The following PRG3 variants were observed in gnomAD, a reference collection of about 807,000 sequenced individuals.
PRG3 encodes proteoglycan 3, pro eosinophil major basic protein 2.
A neutral mutation model predicts 26.1 loss-of-function variants in PRG3; 25 were observed. The ratio of observed to expected loss-of-function variants is 0.96; its 90% confidence interval spans 0.70 to 1.34. PRG3 has a LOEUF of 1.34. Ranked by LOEUF, PRG3 falls within the 40% of genes most tolerant of loss-of-function variation. The pLI is 0.00. For synonymous variants in PRG3, 111 were observed against 100.4 expected (o/e 1.11, Z -0.63); for missense variants, 280 against 264.8 (o/e 1.06, Z -0.40).
intron 3 of PRG3, 24 bp from the exon 4 acceptor site, chr11:57,378,836 A>C (rs551035590): frequency 4.3e-6 from 7 of 1,610,986 alleles, no homozygotes; most frequent in Middle Eastern, 1.7e-4. Context: ...CAAAGTAGAG[A>C]ATTCCCTCTC....
chr11:57,377,691 C>T (rs1017748086), intron 5 of PRG3, 34 bp downstream of exon 5: 2 of 1,549,488 alleles, frequency 1.3e-6, no homozygotes, highest in Non-Finnish European at 1.8e-6. Flanking sequence ...ACTTTACTAT[C>T]CCTTCTCCCT....
intron 4 of PRG3, 46 bp downstream of exon 4, chr11:57,378,635 C>T (rs1856966074): frequency 1.2e-6 from 2 of 1,603,422 alleles, no homozygotes; most frequent in South Asian, 2.2e-5. Context: ...TACTTTAACA[C>T]ATTCAGAAAG....
chr11:57,376,883 G>A lies in PRG3; in HGVS notation c.645C>T (p.Cys215=), dbSNP rs115707133. The A allele has an allele frequency of 5.6e-6, 9 of 1,612,284 alleles. No homozygotes were observed. The highest frequency in any genetic ancestry group is 1.3e-5 in the African/African-American group (1 of 74,914). The change falls in exon 6 of 6, where the codon TGC becomes TGT. Residue 215 remains cysteine (C), a synonymous_variant. Coordinates refer to ENST00000287143, the MANE Select transcript of PRG3 (RefSeq NM_006093.4). ...AGCAGACGAAGGGCAGTTGCTTGTCGCATTGAGCTCGTCGCCAATAACCTC... is the reference window on the plus strand; with the variant it reads ...AGCAGACGAAGGGCAGTTGCTTGTCACATTGAGCTCGTCGCCAATAACCTC... ...TKGGYWRRAQ[C]DKQLPFVCSF is the part of the protein sequence containing the mutation.
chr11:57,379,093 G>A (rs1856972976), intron 3 of PRG3, among the ~76,000 whole-genome samples: 1 of 152,196 alleles, frequency 6.6e-6, no homozygotes, highest in African/African-American at 2.4e-5. Flanking sequence ...ACTCTAAGAA[G>A]TTGGTGCTAT....
chr11:57,378,682 C>T lies in PRG3; in HGVS notation c.506G>A (p.Trp169Ter), dbSNP rs1590651329. ...CCCAAGATTTGGCCCCTGACTTACC[C>T]AGCCCCTGAGGTTGCCTCCAATCCA... ...QVWIGGNLRG[W>*]FLWKRFCWTD... is the part of the protein sequence containing the mutation. Residue 169 changes from tryptophan (W) to a stop codon, truncating the protein, a stop_gained and splice_region_variant, in exon 4 of 6, where the codon TGG becomes TAG. Transcript: ENST00000287143. LOFTEE classifies it high-confidence loss of function. 6.2e-7 allele frequency: 1 copy of T among 1,613,114 alleles called. No individual in the cohort carries two copies. The highest frequency in any genetic ancestry group is 8.5e-7 in the Non-Finnish European group (1 of 1,179,402).
In PRG3 at chr11:57,379,689, C is replaced by A; in HGVS notation, c.180G>T (p.Glu60Asp). Residue 60 changes from glutamate (E) to aspartate (D), a missense_variant, in exon 3 of 6, where the codon GAG (glutamate) becomes GAT (aspartate). Physicochemically the swap from Glu to Asp is conservative, Grantham distance 45 (BLOSUM62 2). Transcript: ENST00000287143. Reference protein sequence around the residue: ...LALTEEVIQAEGEEVKASACQ... With the variant: ...LALTEEVIQADGEEVKASACQ... The stretch of plus-strand genomic sequence containing the variant: ...AGGCAGAAGCCTTGACCTCCTCTCC[C>A]TCTGCCTGAATCACCTCCTCCGTCA... The A allele has an allele frequency of 6.2e-7, 1 of 1,614,000 alleles. No individual in the cohort carries two copies. The highest frequency in any genetic ancestry group is 8.5e-7 in the Non-Finnish European group (1 of 1,180,040).
chr11:57,376,958 G>C, intron 5 of PRG3, 50 bp from the exon 6 acceptor site: 1 of 1,600,686 alleles, frequency 6.2e-7, no homozygotes. Flanking sequence ...GGTCTGGCCT[G>C]GGCTTCACCT....
chr11:57,380,429 A>ACAACAAC (rs1554969508), intron 2 of PRG3, among the ~76,000 whole-genome samples: 11 of 150,890 alleles, frequency 7.3e-5, no homozygotes, highest in African/African-American at 2.4e-4. Flanking sequence ...ACAAAAAAAA[A>ACAACAAC]AACAAAAACA....
chr11:57,380,568 G>T, intron 2 of PRG3, 80 bp downstream of exon 2: 6 of 1,299,140 alleles, frequency 4.6e-6, no homozygotes, highest in South Asian at 1.5e-5. Flanking sequence ...CCTCATGAGT[G>T]CAAATAAAAG....
At chr11:57,380,416 C>CAAAAAAA (rs869309070) in intron 2 of PRG3, among the ~76,000 whole-genome samples, 1 of 10,594 alleles carries the variant, frequency 9.4e-5, no homozygotes, top group African/African-American at 1.4e-4. Context: ...AAACAAAAAA[C>CAAAAAAA]AAACAAAAAA....
Position 57,379,769 on chromosome 11 carries a change from C to A in PRG3, c.100G>T (p.Ala34Ser), listed in dbSNP as rs1212774704. ...APHLESLETQADLGQDLDSSK... is the reference protein window; with the variant it reads ...APHLESLETQSDLGQDLDSSK... ...CTATCCAGATCCTGGCCTAGGTCTG[C>A]CTGTGTCTCTAGGCTCTCCAGATGG... The change falls in exon 3 of 6, where the codon GCA becomes TCA. Residue 34 changes from alanine (A) to serine (S), a missense_variant. Coordinates refer to ENST00000287143, the MANE Select transcript of PRG3 (RefSeq NM_006093.4). 1 of 1,613,500 alleles carries A rather than the reference C, an allele frequency of 6.2e-7. No homozygotes were observed. The highest frequency in any genetic ancestry group is 8.5e-7 in the Non-Finnish European group (1 of 1,179,830).
chr11:57,377,737 G>A lies in PRG3; in HGVS notation c.607C>T (p.Leu203=). ...PGNGQGSCVA[L]CTKGGYWRRA... The stretch of plus-strand genomic sequence containing the variant: ...CCTTCCCCCTCACCTTTGGTGCATA[G>A]GGCCACACAGGAGCCTTGCCCATTC... The change falls in exon 5 of 6, where the codon CTA becomes TTA. Residue 203 remains leucine, a synonymous_variant. Transcript: ENST00000287143. The A allele has an allele frequency of 6.2e-7, 1 of 1,612,408 alleles. No individual in the cohort carries two copies. Among genetic ancestry groups the A allele is most frequent in the Non-Finnish European group, 8.5e-7 (1 of 1,179,504 alleles).
intron 3 of PRG3, 82 bp from the exon 4 acceptor site, chr11:57,378,894 T>C: frequency 6.4e-7 from 1 of 1,561,044 alleles, no homozygotes; most frequent in Non-Finnish European, 8.8e-7. Flanking sequence ...GGCATCCCTT[T>C]TCAGGTTAAA....
Position 57,378,884 on chromosome 11 carries a change from G to A in PRG3, c.376-72C>T, listed in dbSNP as rs539576539. The A allele has an allele frequency of 1.7e-5, 27 of 1,581,072 alleles. 1 individual carries two copies. Among genetic ancestry groups the A allele is most frequent in the South Asian group, 1.0e-4 (9 of 89,144 alleles). ...TTTCTGAGTCTCCAGGCAAGAGCCC[G>A]GCATCCCTTTTCAGGTTAAAAATAA... On this transcript the variant is annotated intron_variant, in intron 3 of 5. Transcript: ENST00000287143.
chr11:57,379,893 T>C (rs1856982268), intron 2 of PRG3, 86 bp from the exon 3 acceptor site: 1 of 1,235,956 alleles, frequency 8.1e-7, no homozygotes. Context: ...GCTCGAGCTT[T>C]CCTAGGAATT....
intron 4 of PRG3, among the ~76,000 whole-genome samples, chr11:57,378,061 T>A (rs1357871377): frequency 6.6e-6 from 1 of 152,092 alleles, no homozygotes; most frequent in Non-Finnish European, 1.5e-5. Flanking sequence ...CTCCTGGGGA[T>A]CTTGTTAAAA....
rs908436148 is a variant in PRG3, at chr11:57,379,912, A to G, written c.62-105T>C. 7 of 1,056,752 alleles carry G rather than the reference A, an allele frequency of 6.6e-6. No homozygotes were observed. The South Asian group carries it at 1.2e-4, about 17-fold the overall frequency. The allele number at this position is 1,056,752 out of a possible 1,614,324, so 65.5% of individuals were successfully genotyped here. A position where few individuals can be genotyped will look rare whatever the true frequency, so the allele number is the denominator to read the frequency against. ...GAGCTTTCCTAGGAATTCCACCTGA[A>G]GACAAGACTGGAGGATTTCCTTGGT... On this transcript the variant is annotated intron_variant, in intron 2 of 5. Transcript: ENST00000287143.
rs754143079 is a variant in PRG3 at position 57,377,730 on chromosome 11, G to A, written c.614C>T (p.Thr205Ile). ...CTGGTGCCCTTCCCCCTCACCTTTG[G>A]TGCATAGGGCCACACAGGAGCCTTG... Reference protein sequence around the residue: ...NGQGSCVALCTKGGYWRRAQC... With the variant: ...NGQGSCVALCIKGGYWRRAQC... Residue 205 changes from threonine to isoleucine, a missense_variant, in exon 5 of 6, where the codon ACC (threonine) becomes ATC (isoleucine). Thr to Ile is a moderately conservative substitution (Grantham distance 89). Transcript: ENST00000287143. The A allele has an allele frequency of 1.2e-6, 2 of 1,611,620 alleles. No individual in the cohort carries two copies. The highest frequency in any genetic ancestry group is 1.7e-6 in the Non-Finnish European group (2 of 1,178,822).
Position 57,376,825 on chromosome 11 carries a change from C to G in PRG3, c.*25G>C. On this transcript the variant is annotated 3_prime_UTR_variant, in exon 6 of 6. Coordinates refer to ENST00000287143, the MANE Select transcript of PRG3 (RefSeq NM_006093.4). ...GAGGTTGGGGGACGGGAGGGAGCTGCTGGCAGGGTCTCCGTGCCGCTGGCT... is the reference window on the plus strand; with the variant it reads ...GAGGTTGGGGGACGGGAGGGAGCTGGTGGCAGGGTCTCCGTGCCGCTGGCT... 6 of 1,611,642 alleles carry G rather than the reference C, an allele frequency of 3.7e-6. No homozygotes were observed. The highest frequency in any genetic ancestry group is 4.2e-6 in the Non-Finnish European group (5 of 1,179,230).
Sources: allele counts gnomAD v4.1 joint callset (sites outside exome capture counted in the v4.1 genomes callset), GRCh38; gene constraint gnomAD v4.1.1; transcripts MANE v1.5; gene names NCBI Gene and HGNC (gene_info 2026-07-23, HGNC 2026-07-21).